The following SNX29 variants were observed in gnomAD, a reference collection of about 807,000 sequenced individuals.
SNX29 encodes sorting nexin 29.
SNX29 carries 78 observed loss-of-function variants against 102.1 expected under a neutral mutation model. That is an observed-to-expected ratio of 0.76 (90% CI 0.64 to 0.92). The LOEUF is 0.92. Ranked by LOEUF, SNX29 falls within the 40% of genes least tolerant of loss-of-function variation. The pLI is 0.00. For missense variants in SNX29, 1,280 were observed against 1,061.7 expected, an observed-to-expected ratio of 1.21 and a Z score of -2.86; for synonymous variants, 580 against 414.5, an observed-to-expected ratio of 1.40 and a Z score of -4.85.
At chr16:12,566,522 A>G (rs1422228187) in intron 20 of SNX29, among the ~76,000 whole-genome samples, 1 of 152,318 alleles carries the variant, frequency 6.6e-6, no homozygotes, top group South Asian at 2.1e-4. Context: ...CAGACCCCGC[A>G]TCTGAAGAGC....
intron 19 of SNX29, among the ~76,000 whole-genome samples, chr16:12,514,500 C>A (rs547189998): frequency 3.3e-5 from 5 of 152,176 alleles, no homozygotes; most frequent in South Asian, 2.1e-4. Context: ...TTTCTACCCC[C>A]CAACTAAGGA....
At chr16:12,158,625 G>A (rs1230307770) in intron 13 of SNX29, among the ~76,000 whole-genome samples, 1 of 152,150 alleles carries the variant, frequency 6.6e-6, no homozygotes, top group African/African-American at 2.4e-5. Flanking sequence ...TTCTTTTCTT[G>A]AACATTGATA....
At chr16:12,184,734 T>C (rs1442737007) in intron 13 of SNX29, among the ~76,000 whole-genome samples, 4 of 152,232 alleles carry the variant, frequency 2.6e-5, no homozygotes, top group Admixed American at 6.5e-5. Flanking sequence ...AAATGCCTTC[T>C]GTAGTTCTCA....
chr16:12,505,529 G>A (rs1317609686), intron 19 of SNX29, among the ~76,000 whole-genome samples: 4 of 151,866 alleles, frequency 2.6e-5, no homozygotes, highest in Admixed American at 6.6e-5. Flanking sequence ...TTGTATATTC[G>A]AGGTTTGCAA....
intron 14 of SNX29, among the ~76,000 whole-genome samples, chr16:12,239,908 A>G (rs1243496144): frequency 6.6e-6 from 1 of 152,166 alleles, no homozygotes; most frequent in Admixed American, 6.5e-5. Context: ...ATCACTTGTA[A>G]TCTCATCACC....
At chr16:11,985,646 A>G (rs1487700415) in intron 1 of SNX29, among the ~76,000 whole-genome samples, 1 of 152,094 alleles carries the variant, frequency 6.6e-6, no homozygotes, top group East Asian at 1.9e-4. Flanking sequence ...CCATAAGTCT[A>G]GTCTGGAGCC....
chr16:11,982,125 A>G (rs903450917), intron 1 of SNX29, among the ~76,000 whole-genome samples: 1 of 152,178 alleles, frequency 6.6e-6, no homozygotes, highest in African/African-American at 2.4e-5. Context: ...GACAATATTT[A>G]TGGATTCATA....
At chr16:12,069,460 G>T (rs1251779704) in intron 10 of SNX29, among the ~76,000 whole-genome samples, 1 of 152,032 alleles carries the variant, frequency 6.6e-6, no homozygotes, top group African/African-American at 2.4e-5. Flanking sequence ...TGGAGATAGG[G>T]TTTCACCACG....
At chr16:12,222,860 C>T (rs746815074) in intron 14 of SNX29, among the ~76,000 whole-genome samples, 2 of 152,080 alleles carry the variant, frequency 1.3e-5, no homozygotes, top group Non-Finnish European at 2.9e-5. Context: ...TAAGCCACGA[C>T]GCCCAGCCTG....
intron 18 of SNX29, among the ~76,000 whole-genome samples, chr16:12,436,813 C>T (rs1304827623): frequency 1.3e-5 from 2 of 152,188 alleles, no homozygotes; most frequent in African/African-American, 2.4e-5. Context: ...GCCACCATGC[C>T]CGGCTAATTT....
chr16:12,039,502 C>G (rs1014338482), intron 4 of SNX29, among the ~76,000 whole-genome samples: 1 of 152,094 alleles, frequency 6.6e-6, no homozygotes, highest in African/African-American at 2.4e-5. Context: ...TGCAGTGGAT[C>G]CTAGTGAAGT....
At chr16:12,441,440 A>G (rs574568129) in intron 18 of SNX29, among the ~76,000 whole-genome samples, 12 of 151,956 alleles carry the variant, frequency 7.9e-5, no homozygotes, top group Middle Eastern at 3.4e-3. Flanking sequence ...GGTAGATCAC[A>G]TTTTTCTTAT....
chr16:12,263,227 G>T (rs1357830137), intron 14 of SNX29, among the ~76,000 whole-genome samples: 1 of 151,756 alleles, frequency 6.6e-6, no homozygotes, highest in Non-Finnish European at 1.5e-5. Context: ...TGCCTCCTGG[G>T]TTCAAGTGAT....
At chr16:12,528,827 C>T (rs2076855899) in intron 20 of SNX29, among the ~76,000 whole-genome samples, 1 of 152,208 alleles carries the variant, frequency 6.6e-6, no homozygotes, top group Non-Finnish European at 1.5e-5. Flanking sequence ...GGCCACTGAT[C>T]AGCTTCAGGA....
chr16:12,508,829 C>G (rs1454977811), intron 19 of SNX29, among the ~76,000 whole-genome samples: 2 of 152,298 alleles, frequency 1.3e-5, no homozygotes, highest in South Asian at 4.1e-4. Flanking sequence ...CAGCCATGTC[C>G]TACCCTGAGG....
At chr16:12,327,050 G>A (rs1441373078) in intron 15 of SNX29, among the ~76,000 whole-genome samples, 1 of 152,144 alleles carries the variant, frequency 6.6e-6, no homozygotes, top group African/African-American at 2.4e-5. Flanking sequence ...GAGAATCGGA[G>A]GTGTCATCCT....
chr16:12,151,513 C>T (rs1567253810), intron 13 of SNX29, among the ~76,000 whole-genome samples: 1 of 152,160 alleles, frequency 6.6e-6, no homozygotes, highest in Non-Finnish European at 1.5e-5. Flanking sequence ...GCATGTTCTG[C>T]GTGATCTGAC....
At chr16:12,019,008 A>G (rs1054613190) in intron 3 of SNX29, among the ~76,000 whole-genome samples, 4 of 152,124 alleles carry the variant, frequency 2.6e-5, no homozygotes, top group African/African-American at 4.8e-5. Flanking sequence ...AAAATGCTAT[A>G]TCCAAGTTTT....
chr16:12,529,950 G>C (rs566632503), intron 20 of SNX29, among the ~76,000 whole-genome samples: 350 of 152,322 alleles, frequency 2.3e-3, no homozygotes, highest in African/African-American at 7.7e-3. Flanking sequence ...TGCCAGTAAG[G>C]AGTGGTGATG....
Sources: gnomAD v4.1 joint callset for allele counts (sites outside exome capture counted in the v4.1 genomes callset) on GRCh38, gnomAD v4.1.1 for gene constraint, MANE v1.5 for transcripts, NCBI Gene and HGNC (gene_info 2026-07-23, HGNC 2026-07-21) for gene names.